Variants in BRINP3 observed in about 807,000 individuals in gnomAD.
BRINP3 encodes BMP/retinoic acid inducible neural specific 3.
A neutral mutation model predicts 71.0 loss-of-function variants in BRINP3; 19 were observed. The ratio of observed to expected loss-of-function variants is 0.27; its 90% CI spans 0.19 to 0.39. BRINP3 has a LOEUF of 0.39. BRINP3 is among the 10% of genes least tolerant of loss of function. The pLI, the probability that BRINP3 is intolerant of heterozygous loss-of-function variation, is 1.00. For missense variants in BRINP3, 959 were observed against 940.8 expected (o/e 1.02, Z -0.25); for synonymous variants, 380 against 337.7 (o/e 1.13, Z -1.37).
At chr1:190,288,190 C>A (rs1663580408) in intron 2 of BRINP3, among the ~76,000 whole-genome samples, 1 of 151,812 alleles carries the variant, frequency 6.6e-6, no homozygotes, top group Non-Finnish European at 1.5e-5. Flanking sequence ...ATCAAAATTA[C>A]TCCTTAATTA....
At chr1:190,099,297 TAC>T (rs56359524) in intron 7 of BRINP3, among the ~76,000 whole-genome samples, 163 bp from the exon 8 acceptor site, 55,825 of 149,120 alleles carry the variant, frequency 0.37, 10,484 homozygotes, top group East Asian at 0.56. Flanking sequence ...GACTATATAA[TAC>T]ACACACACAC....
chr1:190,466,694 G>T (rs1020170562), intron 1 of BRINP3, among the ~76,000 whole-genome samples: 1 of 151,418 alleles, frequency 6.6e-6, no homozygotes, highest in African/African-American at 2.4e-5. Flanking sequence ...CAATTCACAT[G>T]GTAACAATTC....
At chr1:190,380,171 T>G (rs1670460158) in intron 2 of BRINP3, among the ~76,000 whole-genome samples, 1 of 152,120 alleles carries the variant, frequency 6.6e-6, no homozygotes, top group African/African-American at 2.4e-5. Context: ...TGATGATATC[T>G]TAAACTAAGT....
chr1:190,297,952 G>C (rs1664380127), intron 2 of BRINP3, among the ~76,000 whole-genome samples: 1 of 152,006 alleles, frequency 6.6e-6, no homozygotes, highest in African/African-American at 2.4e-5. Context: ...ATATTTGTTA[G>C]AATTTTCCAG....
intron 4 of BRINP3, among the ~76,000 whole-genome samples, chr1:190,255,087 C>T (rs1300114289): frequency 1.3e-5 from 2 of 151,440 alleles, no homozygotes; most frequent in Admixed American, 1.3e-4. Context: ...TATTGATTTG[C>T]ATATGTCGAA....
At chr1:190,176,721 T>C (rs896172856) in intron 6 of BRINP3, among the ~76,000 whole-genome samples, 1 of 152,118 alleles carries the variant, frequency 6.6e-6, no homozygotes, top group Non-Finnish European at 1.5e-5. Flanking sequence ...ACGGGCTACG[T>C]TAAAGCTGTC....
chr1:190,329,810 CA>C (rs1666848495), intron 2 of BRINP3, among the ~76,000 whole-genome samples: 1 of 151,882 alleles, frequency 6.6e-6, no homozygotes, highest in Non-Finnish European at 1.5e-5. Flanking sequence ...ACTAATGGAA[CA>C]GGTTAGAAAT....
chr1:190,342,930 G>T (rs138440872), intron 2 of BRINP3, among the ~76,000 whole-genome samples: 1 of 151,766 alleles, frequency 6.6e-6, no homozygotes, highest in Non-Finnish European at 1.5e-5. Flanking sequence ...GACAGAAAAC[G>T]GTGTTAAGAT....
At chr1:190,221,000 G>A (rs550586113) in intron 6 of BRINP3, among the ~76,000 whole-genome samples, 20 of 152,142 alleles carry the variant, frequency 1.3e-4, no homozygotes, top group African/African-American at 3.9e-4. Flanking sequence ...ATAAAAATCT[G>A]TAAACAGAGG....
intron 1 of BRINP3, chr1:190,475,708 G>C (rs541588084): frequency 4.6e-5 from 7 of 152,322 alleles, no homozygotes; most frequent in African/African-American, 1.4e-4. Context: ...TCTTGGCAGC[G>C]GGAGCCCCTC....
At chr1:190,121,451 A>G (rs931995705) in intron 7 of BRINP3, among the ~76,000 whole-genome samples, 3 of 152,220 alleles carry the variant, frequency 2.0e-5, no homozygotes, top group African/African-American at 7.2e-5. Context: ...GATAAAAATC[A>G]AAACAGATAT....
At chr1:190,449,895 T>C (rs1675491926) in intron 2 of BRINP3, among the ~76,000 whole-genome samples, 1 of 152,212 alleles carries the variant, frequency 6.6e-6, no homozygotes, top group African/African-American at 2.4e-5. Context: ...TTCCTTGTCA[T>C]AGATATGTAA....
At chr1:190,397,941 A>AT (rs1445968159) in intron 2 of BRINP3, among the ~76,000 whole-genome samples, 2 of 151,932 alleles carry the variant, frequency 1.3e-5, no homozygotes, top group Non-Finnish European at 2.9e-5. Context: ...AAACTGTCAA[A>AT]TTTTGTTAAA....
intron 2 of BRINP3, among the ~76,000 whole-genome samples, chr1:190,306,124 C>T (rs1216031806): frequency 6.6e-6 from 1 of 151,508 alleles, no homozygotes; most frequent in Admixed American, 6.6e-5. Flanking sequence ...ATTTGTAATG[C>T]ATCTATAAAT....
intron 5 of BRINP3, among the ~76,000 whole-genome samples, chr1:190,228,835 G>A (rs1355015832): frequency 6.6e-6 from 1 of 151,732 alleles, no homozygotes; most frequent in Non-Finnish European, 1.5e-5. Context: ...CAGGAATACT[G>A]ACAGCACTAT....
chr1:190,454,788 C>T lies in BRINP3; in HGVS notation c.103G>A (p.Val35Ile). Residue 35 changes from valine (V) to isoleucine (I), a missense_variant, in exon 2 of 8, where the codon GTT (valine) becomes ATT (isoleucine). Val to Ile is a conservative substitution (Grantham distance 29). Transcript: ENST00000367462. The stretch of plus-strand genomic sequence containing the variant: ...GGGCTTGTGGCATGCTGATCCGAAA[C>T]AGCAGCAACCGCTAAAACCCAGCAA... ...LHCWVLAVAA[V>I]SDQHATSPFD... The T allele has an allele frequency of 6.2e-7, 1 of 1,614,136 alleles. No homozygotes were observed. Among genetic ancestry groups the T allele is most frequent in the Non-Finnish European group, 8.5e-7 (1 of 1,180,024 alleles).
At chr1:190,213,494 C>A (rs1275277235) in intron 6 of BRINP3, among the ~76,000 whole-genome samples, 1 of 151,988 alleles carries the variant, frequency 6.6e-6, no homozygotes. Flanking sequence ...AATTGAGAGA[C>A]TATGAATCAG....
intron 2 of BRINP3, among the ~76,000 whole-genome samples, chr1:190,317,425 T>A (rs1300731167): frequency 1.3e-5 from 2 of 152,080 alleles, no homozygotes; most frequent in Non-Finnish European, 2.9e-5. Context: ...TTCTTCAAAT[T>A]TTTGATCTCC....
At chr1:190,376,829 G>T (rs1016810072) in intron 2 of BRINP3, among the ~76,000 whole-genome samples, 3 of 151,866 alleles carry the variant, frequency 2.0e-5, no homozygotes, top group African/African-American at 7.2e-5. Flanking sequence ...CTTTTTAAAG[G>T]TTAATGTTTG....
Sources: allele counts gnomAD v4.1 joint callset (sites outside exome capture counted in the v4.1 genomes callset), GRCh38; gene constraint gnomAD v4.1.1; transcripts MANE v1.5; gene names NCBI Gene and HGNC (gene_info 2026-07-23, HGNC 2026-07-21).